CCM2: variants seen among roughly 807,000 people sequenced by gnomAD.
CCM2 encodes the protein CCM2 scaffold protein, also known as cerebral cavernous malformations 2 protein.
CCM2 carries 25 observed loss-of-function variants against 44.9 expected under a neutral mutation model. That is an observed-to-expected ratio of 0.56 (90% CI 0.41 to 0.78). The LOEUF (loss-of-function observed/expected upper bound fraction) is 0.78. CCM2 is among the 30% of genes least tolerant of loss of function. The pLI is 0.00. For missense variants in CCM2, 481 were observed against 580.6 expected (o/e 0.83, Z 1.76); for synonymous variants, 219 against 241.1 (o/e 0.91, Z 0.85).
chr7:45,053,711 G>C (rs1352875247), intron 2 of CCM2, among the ~76,000 whole-genome samples: 1 of 152,186 alleles, frequency 6.6e-6, no homozygotes, highest in African/African-American at 2.4e-5. Context: ...CCCCTTCGGA[G>C]GCTGGCCAGT....
rs1784269119 is a variant in CCM2 at position 45,076,397 on chromosome 7, C to G, written c.*340C>G. ...GGCTGTCAGTTTTGCACATGATGTTCCTATTGTAACTCTCAGAGACCTTAA... is the reference window on the plus strand; with the variant it reads ...GGCTGTCAGTTTTGCACATGATGTTGCTATTGTAACTCTCAGAGACCTTAA... On this transcript the variant is annotated 3_prime_UTR_variant, in exon 10 of 10. Transcript: ENST00000258781. The G allele has an allele frequency of 2.1e-6, 1 of 466,696 alleles. No individual in the cohort carries two copies. Among genetic ancestry groups the G allele is most frequent in the Non-Finnish European group, 4.0e-6 (1 of 247,878 alleles). 28.9% of individuals were successfully genotyped at this position (466,696 alleles called of 1,614,324 possible). A position where few individuals can be genotyped will look rare whatever the true frequency, so the allele number is the denominator to read the frequency against.
At position 45,068,534 on chromosome 7, in the gene CCM2, G is replaced by A; in HGVS notation, c.564G>A (p.Gly188=). The A allele has an allele frequency of 6.2e-7, 1 of 1,614,138 alleles. No homozygotes were observed. The highest frequency in any genetic ancestry group is 8.5e-7 in the Non-Finnish European group (1 of 1,180,022). The change falls in exon 5 of 10, where the codon GGG becomes GGA. Residue 188 remains glycine, a synonymous_variant. Coordinates refer to ENST00000258781, the MANE Select transcript of CCM2 (RefSeq NM_031443.4). ...SAGSLSESAV[G]PVEACCLVIL... ...GCTCCCTGTCGGAGAGTGCAGTTGGGCCCGTGGAGGCATGCTGCCTGGTCA... is the reference window on the plus strand; with the variant it reads ...GCTCCCTGTCGGAGAGTGCAGTTGGACCCGTGGAGGCATGCTGCCTGGTCA...
chr7:45,030,000 A>T (rs1008238523), intron 1 of CCM2, among the ~76,000 whole-genome samples: 2 of 152,182 alleles, frequency 1.3e-5, no homozygotes, highest in Admixed American at 1.3e-4. Context: ...TTCCATATGG[A>T]TGTCTTTGCA....
chr7:45,002,568 T>C (rs1795684272), intron 1 of CCM2, among the ~76,000 whole-genome samples: 1 of 142,558 alleles, frequency 7.0e-6, no homozygotes, highest in South Asian at 2.1e-4. Context: ...TGATTCAGGC[T>C]TTTTTTTACC....
chr7:45,064,754 T>C (rs1382375683), intron 4 of CCM2, 108 bp downstream of exon 4: 8 of 1,116,792 alleles, frequency 7.2e-6, no homozygotes, highest in Non-Finnish European at 1.1e-5. Flanking sequence ...TGCTGCTGTT[T>C]GTCACGACCA....
intron 6 of CCM2, chr7:45,071,898 C>T (rs1459448618): frequency 2.2e-6 from 1 of 456,318 alleles, no homozygotes; most frequent in Non-Finnish European, 4.4e-6. Context: ...TCCTTTACTC[C>T]CCTTTGAAAT....
intron 1 of CCM2, among the ~76,000 whole-genome samples, chr7:45,019,124 C>T (rs1397750893): frequency 9.9e-5 from 13 of 131,774 alleles, no homozygotes; most frequent in African/African-American, 2.1e-4. Flanking sequence ...AGTGCTGTGG[C>T]GTGATCTCGG....
chr7:45,040,939 G>A (rs569861921), intron 2 of CCM2, among the ~76,000 whole-genome samples: 15 of 152,278 alleles, frequency 9.9e-5, no homozygotes, highest in Admixed American at 9.8e-4. Context: ...GCAGTGAGCC[G>A]AGATCGCACC....
chr7:45,005,293 T>C lies in CCM2; in HGVS notation c.30+4930T>C, dbSNP rs193223875. Among the ~76,000 whole-genome samples the C allele has an allele frequency of 2.5e-3, 388 of 152,362 alleles. 3 individuals are homozygous for C. Among genetic ancestry groups the C allele is most frequent in the Non-Finnish European group, 1.2e-3 (81 of 68,028 alleles). On this transcript the variant is annotated intron_variant, in intron 1 of 9. Transcript: ENST00000258781. ...TTGAAGAGTTACCATTTACATAGTA[T>C]GTATTTGTTAATTTTCAACATATTG...
At position 45,072,872 on chromosome 7, in the gene CCM2, C is replaced by A. The variant is rs11977608; in HGVS notation, c.803+89C>A. 0.039 allele frequency: 42,657 copies of A among 1,081,780 alleles called. 2,631 individuals carry two copies. Among genetic ancestry groups the A allele is most frequent in the African/African-American group, 0.25 (16,484 of 64,852 alleles). The allele number at this position is 1,081,780 out of a possible 1,614,324, so 67.0% of individuals were successfully genotyped here. A position where few individuals can be genotyped will look rare whatever the true frequency, so the allele number is the denominator to read the frequency against. ...CCAGGCTGCAGCCAGTCAGCTCCCC[C>A]ATCTCAGCTCACCCTCGCTAAGCCA... On this transcript the variant is annotated intron_variant, in intron 7 of 9. Transcript: ENST00000258781.
At chr7:45,005,588 A>G (rs772457865) in intron 1 of CCM2, among the ~76,000 whole-genome samples, 5 of 152,222 alleles carry the variant, frequency 3.3e-5, no homozygotes, top group Non-Finnish European at 5.9e-5. Context: ...ATTAAGTCCT[A>G]TAAACCTAAC....
chr7:45,051,622 A>G (rs1798013140), intron 2 of CCM2, among the ~76,000 whole-genome samples: 3 of 129,888 alleles, frequency 2.3e-5, no homozygotes, highest in Non-Finnish European at 5.0e-5. Flanking sequence ...TAGTGGTGGC[A>G]TGATCTCAGC....
chr7:45,066,436 T>G (rs569631900), intron 4 of CCM2, among the ~76,000 whole-genome samples: 2 of 152,340 alleles, frequency 1.3e-5, no homozygotes, highest in Admixed American at 1.3e-4. Flanking sequence ...CATGAGCCAC[T>G]GCACTGGGCC....
intron 9 of CCM2, 56 bp from the exon 10 acceptor site, chr7:45,075,721 A>G: frequency 6.2e-7 from 1 of 1,610,376 alleles, no homozygotes; most frequent in South Asian, 1.1e-5. Context: ...CTGAGAGAAG[A>G]GCTGAGTGGG....
intron 9 of CCM2, 114 bp downstream of exon 9, chr7:45,074,522 G>A: frequency 1.2e-6 from 1 of 847,290 alleles, no homozygotes; most frequent in Admixed American, 2.0e-5. Flanking sequence ...CTCCATCAGG[G>A]ATGGGAGATT....
At chr7:45,009,116 A>C (rs1282541177) in intron 1 of CCM2, among the ~76,000 whole-genome samples, 2 of 152,014 alleles carry the variant, frequency 1.3e-5, no homozygotes, top group East Asian at 3.9e-4. Flanking sequence ...AGCCTGGCCA[A>C]CATGGCGAAA....
intron 1 of CCM2, among the ~76,000 whole-genome samples, chr7:45,008,285 G>A (rs1321397968): frequency 6.6e-6 from 1 of 150,930 alleles, no homozygotes; most frequent in Non-Finnish European, 1.5e-5. Flanking sequence ...TGATCCACCC[G>A]CCTCGTCCTC....
intron 8 of CCM2, 114 bp from the exon 9 acceptor site, chr7:45,074,155 TG>T: frequency 6.4e-7 from 1 of 1,569,826 alleles, no homozygotes; most frequent in South Asian, 1.2e-5. Flanking sequence ...TGTGCAGAGG[TG>T]AAGCCAGAGA....
intron 4 of CCM2, among the ~76,000 whole-genome samples, chr7:45,066,249 G>A (rs965020496): frequency 3.3e-5 from 5 of 152,254 alleles, no homozygotes; most frequent in Middle Eastern, 3.4e-3. Context: ...TGGATGCACC[G>A]GAGCAGTTGT....
Sources: gnomAD v4.1 joint callset for allele counts (sites outside exome capture counted in the v4.1 genomes callset) on GRCh38, gnomAD v4.1.1 for gene constraint, MANE v1.5 for transcripts, NCBI Gene and HGNC (gene_info 2026-07-23, HGNC 2026-07-21) for gene names.